The following RWDD4 variants were observed in gnomAD, a reference collection of about 807,000 sequenced individuals.
RWDD4 encodes RWD domain containing 4, also known as RWD domain-containing protein 4.
Under a neutral mutation model 30.0 loss-of-function variants are expected in RWDD4, and 16 were observed. The ratio of observed to expected loss-of-function variants is 0.53; its 90% CI spans 0.36 to 0.81. The LOEUF (loss-of-function observed/expected upper bound fraction) is 0.81. Ranked by LOEUF, RWDD4 falls within the 30% of genes least tolerant of loss-of-function variation. RWDD4 has a pLI of 0.00. For missense variants in RWDD4, 170 were observed against 223.9 expected (o/e 0.76, Z 1.54); for synonymous variants, 45 against 72.1 (o/e 0.62, Z 1.90).
rs1046111 is a variant in RWDD4 at position 183,641,009 on chromosome 4, G to T, written c.*427C>A. On this transcript the variant is annotated 3_prime_UTR_variant, in exon 8 of 8. Transcript: ENST00000326397. ...CAAAAGAAGAGATGAAGACTTAAGAGAAGAAGCCTATTAATATGGATTGCA... is the reference window on the plus strand; with the variant it reads ...CAAAAGAAGAGATGAAGACTTAAGATAAGAAGCCTATTAATATGGATTGCA... 40,145 of 155,682 alleles carry T rather than the reference G, an allele frequency of 0.26. 6,264 individuals are homozygous for T. The highest frequency in any genetic ancestry group is 0.44 in the African/African-American group (18,341 of 41,532). The allele number at this position is 155,682 out of a possible 1,614,324, so 9.6% of individuals were successfully genotyped here.
chr4:183,651,188 GA>G (rs56817841), intron 3 of RWDD4, 29 bp downstream of exon 3: 454,498 of 1,612,816 alleles, frequency 0.28, 65,363 homozygotes, highest in Admixed American at 0.3. Context: ...AGAGTGAAAT[GA>G]AAAGCAGTAA....
chr4:183,649,401 T>G, intron 5 of RWDD4, 50 bp downstream of exon 5: 2 of 1,229,864 alleles, frequency 1.6e-6, no homozygotes, highest in South Asian at 1.2e-5. Context: ...GCAACAAGAG[T>G]GAGACTCTGT....
At chr4:183,647,501 C>T (rs1399118379) in intron 5 of RWDD4, among the ~76,000 whole-genome samples, 1 of 152,192 alleles carries the variant, frequency 6.6e-6, no homozygotes, top group Non-Finnish European at 1.5e-5. Flanking sequence ...AGTGCCGTGG[C>T]TGTCCCATTA....
chr4:183,656,997 G>T (rs924582827), intron 1 of RWDD4, among the ~76,000 whole-genome samples: 4 of 152,178 alleles, frequency 2.6e-5, no homozygotes, highest in Non-Finnish European at 1.5e-5. Context: ...CTGCAATCCA[G>T]CCTGGGCTAC....
At chr4:183,641,792 C>G (rs888779085) in intron 7 of RWDD4, among the ~76,000 whole-genome samples, 7 of 152,070 alleles carry the variant, frequency 4.6e-5, no homozygotes, top group African/African-American at 1.7e-4. Context: ...TGACACTCTT[C>G]AAAAGTTCTT....
At position 183,659,135 on chromosome 4, in the gene RWDD4, A is replaced by C. The variant is rs1734313507; in HGVS notation, c.-183T>G. The C allele has an allele frequency of 4.7e-6, 2 of 429,874 alleles. No individual in the cohort carries two copies. The highest frequency in any genetic ancestry group is 7.2e-5 in the East Asian group (2 of 27,854). The allele number at this position is 429,874 out of a possible 1,614,324, so 26.6% of individuals were successfully genotyped here. On this transcript the variant is annotated 5_prime_UTR_variant, in exon 1 of 8. Transcript: ENST00000326397. Reference sequence around the variant, plus strand: ...GCCTCGGCAGCGCCCAGCCGCCGGCAGTGGGCTGTGGGCTACGAGCCGGAG... The same window carrying C: ...GCCTCGGCAGCGCCCAGCCGCCGGCCGTGGGCTGTGGGCTACGAGCCGGAG...
At chr4:183,658,877 G>A (rs1734291104) in intron 1 of RWDD4, 52 bp downstream of exon 1, 1 of 1,230,844 alleles carries the variant, frequency 8.1e-7, no homozygotes, top group East Asian at 3.1e-5. Context: ...CGGGGGCCCG[G>A]GGCTGCGCGC....
At chr4:183,653,294 T>C (rs1429522198) in intron 2 of RWDD4, among the ~76,000 whole-genome samples, 1 of 151,722 alleles carries the variant, frequency 6.6e-6, no homozygotes, top group African/African-American at 2.4e-5. Context: ...TCTCGCTGGG[T>C]GAGGTGGCTC....
At chr4:183,643,646 G>C (rs1294862207) in intron 7 of RWDD4, among the ~76,000 whole-genome samples, 2 of 151,970 alleles carry the variant, frequency 1.3e-5, no homozygotes, top group Non-Finnish European at 2.9e-5. Flanking sequence ...GCTGGGCATG[G>C]TGGCTCAAGC....
chr4:183,644,680 G>A (rs1191081594), intron 7 of RWDD4, among the ~76,000 whole-genome samples: 1 of 152,080 alleles, frequency 6.6e-6, no homozygotes, highest in East Asian at 1.9e-4. Context: ...TTGGGAGGCT[G>A]TGGCACAAGA....
At chr4:183,646,059 A>G (rs1733960430) in intron 7 of RWDD4, among the ~76,000 whole-genome samples, 1 of 152,104 alleles carries the variant, frequency 6.6e-6, no homozygotes, top group Admixed American at 6.5e-5. Flanking sequence ...GTGCGCCACC[A>G]TGCCCAGCTC....
At chr4:183,652,275 A>G (rs1167724034) in intron 2 of RWDD4, among the ~76,000 whole-genome samples, 1 of 151,806 alleles carries the variant, frequency 6.6e-6, no homozygotes, top group Non-Finnish European at 1.5e-5. Context: ...CAAATCCATA[A>G]TCCATTGAGG....
At chr4:183,653,306 T>C (rs1467636474) in intron 2 of RWDD4, among the ~76,000 whole-genome samples, 2 of 152,012 alleles carry the variant, frequency 1.3e-5, no homozygotes, top group Non-Finnish European at 2.9e-5. Flanking sequence ...AGGTGGCTCA[T>C]GTCTGTAATC....
rs79369400 is a variant in RWDD4, at chr4:183,650,003, C to T, written c.364-435G>A. ...TGCCTACCTAGAACATCCTGGTTCC[C>T]GGAAGAAAAATTTTAAGACACATGG... is the stretch of plus-strand genomic sequence containing the variant. On this transcript the variant is annotated intron_variant, in intron 4 of 7. Coordinates refer to ENST00000326397, the MANE Select transcript of RWDD4 (RefSeq NM_152682.4). 6.4e-3 allele frequency among the ~76,000 whole-genome samples: 980 copies of T among 152,016 alleles called. 6 individuals are homozygous for T. The highest frequency in any genetic ancestry group is 9.9e-3 in the Non-Finnish European group (675 of 67,990).
chr4:183,653,891 T>G (rs1303363289), intron 2 of RWDD4, among the ~76,000 whole-genome samples: 2 of 152,148 alleles, frequency 1.3e-5, no homozygotes, highest in Non-Finnish European at 2.9e-5. Flanking sequence ...TTTATATAAC[T>G]TACAAAACTG....
At chr4:183,650,394 C>T (rs191661677) in intron 4 of RWDD4, among the ~76,000 whole-genome samples, 34 of 152,332 alleles carry the variant, frequency 2.2e-4, no homozygotes, top group African/African-American at 7.5e-4. Context: ...CAGCTTAGCC[C>T]TTGGTTCACA....
At position 183,642,365 on chromosome 4, in the gene RWDD4, A is replaced by G. The variant is rs1328458915; in HGVS notation, c.535-897T>C. Among the ~76,000 whole-genome samples, 9 of 93,224 alleles carry G rather than the reference A, an allele frequency of 9.7e-5. 1 individual carries two copies. Among genetic ancestry groups the G allele is most frequent in the Admixed American group, 8.1e-4 (9 of 11,068 alleles). 61.2% of individuals were successfully genotyped at this position (93,224 alleles called of 152,430 possible). On this transcript the variant is annotated intron_variant, in intron 7 of 7. Coordinates refer to ENST00000326397, the MANE Select transcript of RWDD4 (RefSeq NM_152682.4). ...CTACCACGCCCGGCTAATTTTTTGT[A>G]TTTTTAGTAGAGACGGGGTTTCACC...
At chr4:183,656,645 G>A (rs1029215269) in intron 1 of RWDD4, among the ~76,000 whole-genome samples, 11 of 152,294 alleles carry the variant, frequency 7.2e-5, no homozygotes, top group Admixed American at 1.3e-4. Context: ...TTGGGTACAC[G>A]TTTAAGTTTT....
At chr4:183,651,467 A>G in intron 2 of RWDD4, 140 bp from the exon 3 acceptor site, 1 of 677,688 alleles carries the variant, frequency 1.5e-6, no homozygotes, top group Non-Finnish European at 2.5e-6. Flanking sequence ...CCAGTGACAC[A>G]GGCTAGGACT....
Sources: gnomAD v4.1 joint callset for allele counts (sites outside exome capture counted in the v4.1 genomes callset) on GRCh38, gnomAD v4.1.1 for gene constraint, MANE v1.5 for transcripts, NCBI Gene and HGNC (gene_info 2026-07-23, HGNC 2026-07-21) for gene names.